The following BEST4 variants were observed in gnomAD, a reference collection of about 807,000 sequenced individuals.
BEST4 encodes bestrophin-4.
BEST4 carries 36 observed loss-of-function variants against 47.1 expected under a neutral mutation model. That is an observed-to-expected ratio of 0.76 (90% CI 0.59 to 1.01). The LOEUF (loss-of-function observed/expected upper bound fraction) is 1.01, where lower values mean the gene tolerates loss of function less well. Ranked by LOEUF, BEST4 falls within the 50% of genes least tolerant of loss-of-function variation. BEST4 has a pLI of 0.00. For missense variants in BEST4, 550 were observed against 648.6 expected, an observed-to-expected ratio of 0.85 and a Z score of 1.65; for synonymous variants, 250 against 277.8, an observed-to-expected ratio of 0.90 and a Z score of 1.00.
chr1:44,791,246 G>C (rs1407751871), upstream of BEST4, among the ~76,000 whole-genome samples: 2 of 152,106 alleles, frequency 1.3e-5, no homozygotes, highest in African/African-American at 4.8e-5. Context: ...GTGTGTGTGT[G>C]TGTGTGTCTG....
rs943405106 is a variant in BEST4, at chr1:44,787,813, C to T, written c.-108G>A. 7.3e-6 allele frequency: 10 copies of T among 1,372,036 alleles called. No individual in the cohort carries two copies. Among genetic ancestry groups the T allele is most frequent in the Non-Finnish European group, 1.0e-5 (10 of 997,162 alleles). 85.0% of individuals were successfully genotyped at this position (1,372,036 alleles called of 1,614,324 possible). ...CTGGTCTCACACACCCCAGCCTTCA[C>T]CCTGCGTCAGTGGACAAGGGGGTAG... On this transcript the variant is annotated 5_prime_UTR_variant, in exon 1 of 9. In the 5' UTR this introduces an upstream ATG that the reference lacks. Coordinates refer to ENST00000372207, the MANE Select transcript of BEST4 (RefSeq NM_153274.3).
chr1:44,784,829 C>T lies in BEST4; in HGVS notation c.994-46G>A, dbSNP rs1237785262. ...AAGGATCCTCCTCTCCTCTCCTTCC[C>T]ACGGCCGGGCTGAGAGCTGACCGGG... On this transcript the variant is annotated intron_variant, in intron 7 of 8. Coordinates refer to ENST00000372207, the MANE Select transcript of BEST4 (RefSeq NM_153274.3). This position sits in a 1 kb window ranked among gnomAD's most constrained non-coding sequence, Gnocchi z 6.2. 6.2e-7 allele frequency: 1 copy of T among 1,603,540 alleles called. No homozygotes were observed. The highest frequency in any genetic ancestry group is 2.2e-5 in the East Asian group (1 of 44,778).
At chr1:44,790,592 C>T (rs1651384464), upstream of BEST4, among the ~76,000 whole-genome samples, 1 of 152,072 alleles carries the variant, frequency 6.6e-6, no homozygotes, top group Non-Finnish European at 1.5e-5. Flanking sequence ...CTGTGAGACA[C>T]CTGAGAACAG....
In BEST4 at chr1:44,785,279, G is replaced by T; in HGVS notation, c.741C>A (p.Phe247Leu). 1 of 1,609,994 alleles carries T rather than the reference G, an allele frequency of 6.2e-7. No individual in the cohort carries two copies. Among genetic ancestry groups the T allele is most frequent in the Non-Finnish European group, 8.5e-7 (1 of 1,177,890 alleles). Residue 247 changes from phenylalanine (F) to leucine (L), a missense_variant, in exon 6 of 9, where the codon TTC becomes TTA. This residue lies in a region of BEST4 where 291 missense variants were observed against 342.4 expected (regional missense o/e 0.85). Coordinates refer to ENST00000372207, the MANE Select transcript of BEST4 (RefSeq NM_153274.3). The part of the protein sequence containing the change: ...TQVVTIAVYS[F>L]FALSLVGRQF... The stretch of plus-strand genomic sequence containing the variant: ...GGCGGCCAACCAGGGAGAGGGCAAA[G>T]AAAGAGTAGACGGCTATGGTCACCA...
chr1:44,787,077 C>T (rs1349698153), intron 2 of BEST4, among the ~76,000 whole-genome samples: 3 of 151,944 alleles, frequency 2.0e-5, no homozygotes, highest in African/African-American at 7.3e-5. Context: ...ACCCAGCACC[C>T]AGCTCCTGTG....
In BEST4 at chr1:44,787,851, C is replaced by G; in HGVS notation, c.-146G>C. 1.1e-6 allele frequency: 1 copy of G among 924,986 alleles called. No individual in the cohort carries two copies. The highest frequency in any genetic ancestry group is 1.6e-6 in the Non-Finnish European group (1 of 621,198). The allele number at this position is 924,986 out of a possible 1,614,324, so 57.3% of individuals were successfully genotyped here. Reference sequence around the variant, plus strand: ...GACAAGGGGGTAGGAGCCTGCAGAGCAGAAAAGTACACCCCACCCCCTGCA... The same window carrying G: ...GACAAGGGGGTAGGAGCCTGCAGAGGAGAAAAGTACACCCCACCCCCTGCA... On this transcript the variant is annotated 5_prime_UTR_variant, in exon 1 of 9. Transcript: ENST00000372207.
In BEST4 at chr1:44,784,491, C is replaced by A; in HGVS notation, c.1149-8G>T. 7.9e-6 allele frequency: 2 copies of A among 251,944 alleles called. No homozygotes were observed. Among genetic ancestry groups the A allele is most frequent in the Non-Finnish European group, 1.5e-5 (2 of 134,804 alleles). 15.6% of individuals were successfully genotyped at this position (251,944 alleles called of 1,614,324 possible). A position where few individuals can be genotyped will look rare whatever the true frequency, so the allele number is the denominator to read the frequency against. On this transcript the variant is annotated splice_polypyrimidine_tract_variant and splice_region_variant and intron_variant, in intron 8 of 8. Coordinates refer to ENST00000372207, the MANE Select transcript of BEST4 (RefSeq NM_153274.3). The surrounding 1 kb of genome is among the most constrained non-coding windows in gnomAD (Gnocchi z 6.2). The stretch of plus-strand genomic sequence containing the variant: ...TCAGGGTCGTCGCTCATGCTGCGGG[C>A]GGGAGGGCGGGCTGAGCCGGGGCAC...
rs377207881 is a variant in BEST4 at position 44,784,921 on chromosome 1, A to C, written c.977T>G (p.Ile326Arg). ...DDDDFETNQL[I>R]DRNLQVSLLS... ...CTTGCTCACCTGCAAGTTGCGGTCT[A>C]TGAGCTGATTTGTCTCAAAGTCGTC... The change falls in exon 7 of 9, where the codon ATA (isoleucine) becomes AGA (arginine). Residue 326 changes from isoleucine (I) to arginine (R), a missense_variant. Physicochemically the swap from Ile to Arg is moderately conservative, Grantham distance 97. Coordinates refer to ENST00000372207, the MANE Select transcript of BEST4 (RefSeq NM_153274.3). The surrounding 1 kb of genome is among the most constrained non-coding windows in gnomAD (Gnocchi z 6.2). 6.2e-7 allele frequency: 1 copy of C among 1,614,038 alleles called. No homozygotes were observed. Among genetic ancestry groups the C allele is most frequent in the African/African-American group, 1.3e-5 (1 of 74,910 alleles).
chr1:44,790,866 C>A (rs1573602449), upstream of BEST4, among the ~76,000 whole-genome samples: 1 of 152,122 alleles, frequency 6.6e-6, no homozygotes, highest in East Asian at 1.9e-4. Context: ...AGCCATGATA[C>A]AGCCATTGCA....
chr1:44,785,441 G>T, intron 5 of BEST4, 136 bp from the exon 6 acceptor site: 1 of 1,224,914 alleles, frequency 8.2e-7, no homozygotes, highest in Non-Finnish European at 1.1e-6. Context: ...AGTGGGGACA[G>T]GGTCACCTTG....
At chr1:44,787,523 A>C (rs553816047) in intron 1 of BEST4, 31 bp downstream of exon 1, 21 of 1,613,918 alleles carry the variant, frequency 1.3e-5, no homozygotes, top group South Asian at 9.9e-5. Flanking sequence ...CAGTCTCCCC[A>C]CTTGCGCCAG....
downstream of BEST4, among the ~76,000 whole-genome samples, chr1:44,782,576 G>A (rs1194483100): frequency 6.6e-6 from 1 of 152,098 alleles, no homozygotes; most frequent in Non-Finnish European, 1.5e-5. Flanking sequence ...GTTGCAGTGA[G>A]CCGAGATCAG....
rs1651302197 is a variant in BEST4 at position 44,787,779 on chromosome 1, C to A, written c.-74G>T. 6.4e-7 allele frequency: 1 copy of A among 1,564,018 alleles called. No individual in the cohort carries two copies. Among genetic ancestry groups the A allele is most frequent in the Admixed American group, 1.7e-5 (1 of 58,214 alleles). On this transcript the variant is annotated 5_prime_UTR_variant, in exon 1 of 9. Coordinates refer to ENST00000372207, the MANE Select transcript of BEST4 (RefSeq NM_153274.3). ...GTCGTTTAGTTCTCCAGACAACCTC[C>A]CTTCCACTCTGGTCTCACACACCCC... is the stretch of plus-strand genomic sequence containing the variant.
Position 44,784,722 on chromosome 1 carries a change from T to A in BEST4, c.1055A>T (p.Tyr352Phe). Residue 352 changes from tyrosine to phenylalanine, a missense_variant, in exon 8 of 9, where the codon TAC becomes TTC. Physicochemically the swap from Tyr to Phe is conservative, Grantham distance 22 (BLOSUM62 3). Around this residue, in one of 3 missense-constraint regions of BEST4, gnomAD observed 255 missense variants for 286.6 expected, o/e 0.89. Transcript: ENST00000372207. This position sits in a 1 kb window ranked among gnomAD's most constrained non-coding sequence, Gnocchi z 6.2. ...QNLPPAEKDQYWDEDQPQPPY... is the reference protein window; with the variant it reads ...QNLPPAEKDQFWDEDQPQPPY... ...TGGCTGCGGCTGGTCCTCATCCCAGTACTGGTCCTTCTCAGCGGGGGGAAG... is the reference window on the plus strand; with the variant it reads ...TGGCTGCGGCTGGTCCTCATCCCAGAACTGGTCCTTCTCAGCGGGGGGAAG... 1 of 1,607,614 alleles carries A rather than the reference T, an allele frequency of 6.2e-7. No individual in the cohort carries two copies. The highest frequency in any genetic ancestry group is 8.5e-7 in the Non-Finnish European group (1 of 1,176,734).
Position 44,784,559 on chromosome 1 carries a change from C to T in BEST4, c.1148+70G>A, listed in dbSNP as rs1269943817. Reference sequence around the variant, plus strand: ...GCGGGATCGGCTCTCGGGGAAGGACCGAGGCATCGGTGCCCCAGAGGCTGA... The same window carrying T: ...GCGGGATCGGCTCTCGGGGAAGGACTGAGGCATCGGTGCCCCAGAGGCTGA... On this transcript the variant is annotated intron_variant, in intron 8 of 8. Coordinates refer to ENST00000372207, the MANE Select transcript of BEST4 (RefSeq NM_153274.3). This position sits in a 1 kb window ranked among gnomAD's most constrained non-coding sequence, Gnocchi z 6.2. The T allele has an allele frequency of 1.9e-6, 3 of 1,542,454 alleles. No homozygotes were observed. Among genetic ancestry groups the T allele is most frequent in the African/African-American group, 2.7e-5 (2 of 73,112 alleles).
chr1:44,784,390 G>T lies in BEST4; in HGVS notation c.1242C>A (p.Arg414=), dbSNP rs952259451. The T allele has an allele frequency of 1.4e-5, 20 of 1,402,428 alleles. No individual in the cohort carries two copies. Among genetic ancestry groups the T allele is most frequent in the Admixed American group, 3.4e-5 (1 of 29,048 alleles). The allele number at this position is 1,402,428 out of a possible 1,614,324, so 86.9% of individuals were successfully genotyped here. Residue 414 remains arginine, a synonymous_variant, in exon 9 of 9, where the codon CGC becomes CGA. Transcript: ENST00000372207. The surrounding 1 kb of genome is among the most constrained non-coding windows in gnomAD (Gnocchi z 6.2). ...APAAQTPLLG[R]FLGVGAPSPA... is the part of the protein sequence containing the mutation. ...GGGAGGGCGCCCCTACGCCCAGGAA[G>T]CGGCCGAGCAACGGGGTCTGCGCGG...
chr1:44,783,728 ACT>A lies in BEST4; in HGVS notation c.*480_*481del, dbSNP rs1418943414. The A allele has an allele frequency of 6.5e-6, 1 of 153,704 alleles. No homozygotes were observed. The highest frequency in any genetic ancestry group is 1.4e-5 in the Non-Finnish European group (1 of 69,262). 9.5% of individuals were successfully genotyped at this position (153,704 alleles called of 1,614,324 possible). ...TACCCCTTCAAGCACGTTTCACATG[ACT>A]CTCAAATTGTGTTTCCTGGACAAGC... On this transcript the variant is annotated 3_prime_UTR_variant, in exon 9 of 9. Transcript: ENST00000372207.
At position 44,787,414 on chromosome 1, in the gene BEST4, A is replaced by G. The variant is rs755410207; in HGVS notation, c.205T>C (p.Cys69Arg). ...GGAATGAGGTCTGCTGAGCGGTTGCAGTACCGGGCCACCTGAGCATACACG... is the reference window on the plus strand; with the variant it reads ...GGAATGAGGTCTGCTGAGCGGTTGCGGTACCGGGCCACCTGAGCATACACG... ...RYVYAQVARY[C>R]NRSADLIPLS... The change falls in exon 2 of 9, where the codon TGC (cysteine) becomes CGC (arginine). Residue 69 changes from cysteine (C) to arginine (R), a missense_variant. Physicochemically the swap from Cys to Arg is radical, Grantham distance 180. This residue lies in a region of BEST4 where 291 missense variants were observed against 342.4 expected (regional missense o/e 0.85). Transcript: ENST00000372207. 3 of 1,614,148 alleles carry G rather than the reference A, an allele frequency of 1.9e-6. No homozygotes were observed. The highest frequency in any genetic ancestry group is 2.7e-5 in the African/African-American group (2 of 75,036).
In BEST4 at chr1:44,784,602, G is replaced by C; in HGVS notation, c.1148+27C>G. The C allele has an allele frequency of 6.2e-7, 1 of 1,604,360 alleles. No individual in the cohort carries two copies. The highest frequency in any genetic ancestry group is 1.1e-5 in the South Asian group (1 of 90,198). On this transcript the variant is annotated intron_variant, in intron 8 of 8. Transcript: ENST00000372207. The surrounding 1 kb of genome is among the most constrained non-coding windows in gnomAD (Gnocchi z 6.2). The stretch of plus-strand genomic sequence containing the variant: ...GAGGCTGAGCGAGGACCCGCGTGCC[G>C]GGTCAGGCCCAGTGCAAGCCACTCA...
Sources: gnomAD v4.1 joint callset for allele counts (sites outside exome capture counted in the v4.1 genomes callset) on GRCh38, gnomAD v4.1.1 for gene constraint, gnomAD v4.1.1 regional missense constraint, Gnocchi (gnomAD v3.1) non-coding constraint, MANE v1.5 for transcripts, NCBI Gene and HGNC (gene_info 2026-07-23, HGNC 2026-07-21) for gene names.